Variants in RNF187 observed in about 807,000 individuals in gnomAD.
RNF187 encodes ring finger protein 187, also known as E3 ubiquitin-protein ligase RNF187.
RNF187 carries 18 observed loss-of-function variants against 22.2 expected under a neutral mutation model. The ratio of observed to expected loss-of-function variants is 0.81; its 90% confidence interval spans 0.56 to 1.20. The LOEUF is 1.20. RNF187 is among the 50% of genes most tolerant of loss of function. The probability of loss-of-function intolerance (pLI) is 0.00; values close to 1 mark genes in which losing one functional copy is unlikely to be tolerated. For missense variants in RNF187, 329 were observed against 317.6 expected, an observed-to-expected ratio of 1.04 and a Z score of -0.27; for synonymous variants, 164 against 140.9, an observed-to-expected ratio of 1.16 and a Z score of -1.16.
Position 228,495,624 on chromosome 1 carries a change from T to A in RNF187, c.*1739T>A. 3 of 985,550 alleles carry A rather than the reference T, an allele frequency of 3.0e-6. No homozygotes were observed. Among genetic ancestry groups the A allele is most frequent in the South Asian group, 9.4e-5 (2 of 21,282 alleles). 61.1% of individuals were successfully genotyped at this position (985,550 alleles called of 1,614,324 possible). On this transcript the variant is annotated 3_prime_UTR_variant, in exon 4 of 4. Coordinates refer to ENST00000305943, the MANE Select transcript of RNF187 (RefSeq NM_001010858.3). Reference sequence around the variant, plus strand: ...CCGGACAGGTCCTGATGGCAGAGTCTCCCACAACATCAGTGTCTCCACATC... The same window carrying A: ...CCGGACAGGTCCTGATGGCAGAGTCACCCACAACATCAGTGTCTCCACATC...
chr1:228,491,415 G>T, intron 2 of RNF187, among the ~76,000 whole-genome samples: 2 of 139,300 alleles, frequency 1.4e-5, no homozygotes, highest in South Asian at 2.3e-4. Context: ...AAAAATAAAG[G>T]GAGATGGGTT....
chr1:228,489,177 G>A lies in RNF187; in HGVS notation c.483+125G>A. 2 of 683,800 alleles carry A rather than the reference G, an allele frequency of 2.9e-6. 1 individual carries two copies. The allele number at this position is 683,800 out of a possible 1,614,324, so 42.4% of individuals were successfully genotyped here. On this transcript the variant is annotated intron_variant, in intron 2 of 3. Transcript: ENST00000305943. ...GCTCAGCTGGTTGGTTGGAGGAGGG[G>A]CCTCTGGACTTAAGTGAGCTTCAGG...
chr1:228,489,138 C>T, intron 2 of RNF187, 86 bp downstream of exon 2: 1 of 1,160,752 alleles, frequency 8.6e-7, no homozygotes, highest in South Asian at 1.3e-5. Flanking sequence ...CCAAGTGGGC[C>T]AGGCCTCTGA....
chr1:228,493,875 C>T lies in RNF187; in HGVS notation c.706-8C>T. On this transcript the variant is annotated splice_polypyrimidine_tract_variant and splice_region_variant and intron_variant, in intron 3 of 3. Coordinates refer to ENST00000305943, the MANE Select transcript of RNF187 (RefSeq NM_001010858.3). The surrounding 1 kb of genome is among the most constrained non-coding windows in gnomAD (Gnocchi z 4.7). ...TCTCTCTGTCTTTCCCTCTCCCCTCCCATGCAGTGATGGCGCCAACCCGTG... is the reference window on the plus strand; with the variant it reads ...TCTCTCTGTCTTTCCCTCTCCCCTCTCATGCAGTGATGGCGCCAACCCGTG... 1 of 1,551,716 alleles carries T rather than the reference C, an allele frequency of 6.4e-7. No homozygotes were observed. Among genetic ancestry groups the T allele is most frequent in the Non-Finnish European group, 8.7e-7 (1 of 1,146,954 alleles).
At chr1:228,492,657 G>A in intron 2 of RNF187, among the ~76,000 whole-genome samples, 3 of 113,846 alleles carry the variant, frequency 2.6e-5, no homozygotes, top group African/African-American at 1.1e-4. Context: ...ATGGAGTCTC[G>A]CTCTGTCGCC....
rs1658870554 is a variant in RNF187 at position 228,487,710 on chromosome 1, G to A, written c.222G>A (p.Ala74=). 25 of 1,048,148 alleles carry A rather than the reference G, an allele frequency of 2.4e-5. No homozygotes were observed. Among genetic ancestry groups the A allele is most frequent in the East Asian group, 7.7e-5 (1 of 12,966 alleles). The allele number at this position is 1,048,148 out of a possible 1,614,324, so 64.9% of individuals were successfully genotyped here. A position where few individuals can be genotyped will look rare whatever the true frequency, so the allele number is the denominator to read the frequency against. ...CCCCGCTCAGCCGCCGCCTTCTGGC[G>A]CTCGAGGAGGCGGCCGCGGCGCCCG... The change falls in exon 1 of 4, where the codon GCG becomes GCA. Residue 74 remains alanine, a synonymous_variant. Transcript: ENST00000305943.
In RNF187 at chr1:228,494,620, C is replaced by T; in HGVS notation, c.*735C>T. 2.0e-6 allele frequency: 2 copies of T among 985,572 alleles called. No homozygotes were observed. The highest frequency in any genetic ancestry group is 1.1e-4 in the East Asian group (1 of 8,794). The allele number at this position is 985,572 out of a possible 1,614,324, so 61.1% of individuals were successfully genotyped here. On this transcript the variant is annotated 3_prime_UTR_variant, in exon 4 of 4. Transcript: ENST00000305943. ...GCTAACCCCATTTAGCATCTCCAGG[C>T]CCTGCCATCGTGTCTCATCTTGCTG... is the stretch of plus-strand genomic sequence containing the variant.
In RNF187 at chr1:228,492,054, T is replaced by G; in HGVS notation, c.484-999T>G. On this transcript the variant is annotated intron_variant, in intron 2 of 3. Coordinates refer to ENST00000305943, the MANE Select transcript of RNF187 (RefSeq NM_001010858.3). ...GGAGGTCAGGGTGATCTTGCACTGTTTTTTGATTTTTTTTAAAAAAGGCCT... is the reference window on the plus strand; with the variant it reads ...GGAGGTCAGGGTGATCTTGCACTGTGTTTTGATTTTTTTTAAAAAAGGCCT... 8.8e-3 allele frequency among the ~76,000 whole-genome samples: 1,335 copies of G among 152,020 alleles called. 12 individuals are homozygous for G. Among genetic ancestry groups the G allele is most frequent in the African/African-American group, 0.031 (1,280 of 41,458 alleles).
intron 2 of RNF187, among the ~76,000 whole-genome samples, 156 bp downstream of exon 2, chr1:228,489,208 T>G: frequency 6.6e-6 from 1 of 152,222 alleles, no homozygotes; most frequent in Non-Finnish European, 1.5e-5. Flanking sequence ...TCAGGGTATT[T>G]TTTTTAGGAT....
chr1:228,489,018 A>G lies in RNF187; in HGVS notation c.449A>G (p.His150Arg). 1.9e-6 allele frequency: 3 copies of G among 1,550,078 alleles called. No individual in the cohort carries two copies. The highest frequency in any genetic ancestry group is 2.6e-6 in the Non-Finnish European group (3 of 1,146,928). Reference sequence around the variant, plus strand: ...GACTTGAATGACGCCCGGGACCTGCATGGCCAGGCAGAGTCAGCAGCTGCA... The same window carrying G: ...GACTTGAATGACGCCCGGGACCTGCGTGGCCAGGCAGAGTCAGCAGCTGCA... The change falls in exon 2 of 4, where the codon CAT becomes CGT. Residue 150 changes from histidine (H) to arginine (R), a missense_variant. Transcript: ENST00000305943.
rs768941950 is a variant in RNF187, at chr1:228,487,530, G to T, written c.42G>T (p.Leu14=). ...GCCCCGCCGAGGCCGCCTGCGCCCT[G>T]TGCCAGCGCGCGCCCCGGGAACCGG... Residue 14 remains leucine (L), a synonymous_variant, in exon 1 of 4, where the codon CTG becomes CTT. Transcript: ENST00000305943. 7 of 1,207,588 alleles carry T rather than the reference G, an allele frequency of 5.8e-6. No homozygotes were observed. The African/African-American group carries it at 8.1e-5, about 14-fold the overall frequency. 74.8% of individuals were successfully genotyped at this position (1,207,588 alleles called of 1,614,324 possible).
intron 1 of RNF187, among the ~76,000 whole-genome samples, 170 bp downstream of exon 1, chr1:228,488,048 A>T: frequency 2.8e-5 from 1 of 35,484 alleles, no homozygotes; most frequent in Non-Finnish European, 5.4e-5. Flanking sequence ...TCCCCTCTCC[A>T]GCGTGTGCTG....
At chr1:228,491,368 AC>A in intron 2 of RNF187, among the ~76,000 whole-genome samples, 1 of 140,844 alleles carries the variant, frequency 7.1e-6, no homozygotes, top group East Asian at 2.3e-4. Flanking sequence ...AACATGGGTG[AC>A]AGAGTGAGGC....
intron 2 of RNF187, among the ~76,000 whole-genome samples, chr1:228,491,852 C>T: frequency 6.6e-6 from 1 of 152,146 alleles, no homozygotes; most frequent in Non-Finnish European, 1.5e-5. Context: ...AAAGACTAGC[C>T]ACTTGTAAAA....
In RNF187 at chr1:228,487,415, C is replaced by A; in HGVS notation, c.-74C>A. 9.3e-7 allele frequency: 1 copy of A among 1,073,844 alleles called. No individual in the cohort carries two copies. The highest frequency in any genetic ancestry group is 1.1e-6 in the Non-Finnish European group (1 of 888,938). The allele number at this position is 1,073,844 out of a possible 1,614,324, so 66.5% of individuals were successfully genotyped here. ...CTTCGTCCTGTTGCTGGTCTCCGTC[C>A]GGTCGCCGGCCGTCTAGGTCTCCGG... On this transcript the variant is annotated 5_prime_UTR_variant, in exon 1 of 4. Coordinates refer to ENST00000305943, the MANE Select transcript of RNF187 (RefSeq NM_001010858.3).
Position 228,493,541 on chromosome 1 carries a change from C to T in RNF187, c.705+267C>T. 2.5e-3 allele frequency among the ~76,000 whole-genome samples: 377 copies of T among 152,358 alleles called. No individual in the cohort carries two copies. The highest frequency in any genetic ancestry group is 8.7e-3 in the African/African-American group (362 of 41,582). On this transcript the variant is annotated intron_variant, in intron 3 of 3. Coordinates refer to ENST00000305943, the MANE Select transcript of RNF187 (RefSeq NM_001010858.3). This position sits in a 1 kb window ranked among gnomAD's most constrained non-coding sequence, Gnocchi z 4.7. ...CCCGAGTGCCCGAGCATGGAAGGCT[C>T]CTGCCTCGCCCTGGGGTCCTGAAGG...
Position 228,487,449 on chromosome 1 carries a change from A to T in RNF187, c.-40A>T. 1 of 1,092,738 alleles carries T rather than the reference A, an allele frequency of 9.2e-7. No individual in the cohort carries two copies. The highest frequency in any genetic ancestry group is 1.1e-6 in the Non-Finnish European group (1 of 901,602). The allele number at this position is 1,092,738 out of a possible 1,614,324, so 67.7% of individuals were successfully genotyped here. A position where few individuals can be genotyped will look rare whatever the true frequency, so the allele number is the denominator to read the frequency against. ...GCCGTCTAGGTCTCCGGCCCTCCCCAGCCGCTCCTGCGCCCTTGCCGGCCC... is the reference window on the plus strand; with the variant it reads ...GCCGTCTAGGTCTCCGGCCCTCCCCTGCCGCTCCTGCGCCCTTGCCGGCCC... On this transcript the variant is annotated 5_prime_UTR_variant, in exon 1 of 4. Transcript: ENST00000305943.
Position 228,493,370 on chromosome 1 carries a change from A to G in RNF187, c.705+96A>G. On this transcript the variant is annotated intron_variant, in intron 3 of 3. Coordinates refer to ENST00000305943, the MANE Select transcript of RNF187 (RefSeq NM_001010858.3). This position sits in a 1 kb window ranked among gnomAD's most constrained non-coding sequence, Gnocchi z 4.7. The stretch of plus-strand genomic sequence containing the variant: ...GACCATTGCCCGAAGTCAAGGCTTA[A>G]AAGCCCAGCCTGACTCCCACTGCCG... 1 of 1,472,604 alleles carries G rather than the reference A, an allele frequency of 6.8e-7. No homozygotes were observed. The highest frequency in any genetic ancestry group is 9.0e-7 in the Non-Finnish European group (1 of 1,108,714). 91.2% of individuals were successfully genotyped at this position (1,472,604 alleles called of 1,614,324 possible).
At position 228,494,648 on chromosome 1, in the gene RNF187, A is replaced by G; in HGVS notation, c.*763A>G. On this transcript the variant is annotated 3_prime_UTR_variant, in exon 4 of 4. Coordinates refer to ENST00000305943, the MANE Select transcript of RNF187 (RefSeq NM_001010858.3). ...TGCCATCGTGTCTCATCTTGCTGTT[A>G]TCTCTAGCTCTTTCCCTCCTCCCAT... 3.0e-6 allele frequency: 3 copies of G among 985,164 alleles called. No homozygotes were observed. The highest frequency in any genetic ancestry group is 3.5e-5 in the African/African-American group (2 of 57,116). 61.0% of individuals were successfully genotyped at this position (985,164 alleles called of 1,614,324 possible). A position where few individuals can be genotyped will look rare whatever the true frequency, so the allele number is the denominator to read the frequency against.
Sources: gnomAD v4.1 joint callset for allele counts (sites outside exome capture counted in the v4.1 genomes callset) on GRCh38, gnomAD v4.1.1 for gene constraint, Gnocchi (gnomAD v3.1) non-coding constraint, MANE v1.5 for transcripts, NCBI Gene and HGNC (gene_info 2026-07-23, HGNC 2026-07-21) for gene names.